PPFIBP1: variants seen among roughly 807,000 people sequenced by gnomAD.
PPFIBP1 encodes the protein PPFIB scaffold protein 1.
Under a neutral mutation model 137.8 loss-of-function variants are expected in PPFIBP1, and 112 were observed. The observed-to-expected ratio is 0.81, with a 90% CI of 0.70 to 0.95. The LOEUF is 0.95. Ranked by LOEUF, PPFIBP1 falls within the 40% of genes least tolerant of loss-of-function variation. The probability of loss-of-function intolerance (pLI) is 0.00; values close to 1 mark genes in which losing one functional copy is unlikely to be tolerated. For synonymous variants in PPFIBP1, 378 were observed against 417.3 expected, an observed-to-expected ratio of 0.91 and a Z score of 1.15; for missense variants, 1,083 against 1,196.6, an observed-to-expected ratio of 0.91 and a Z score of 1.40.
intron 2 of PPFIBP1, among the ~76,000 whole-genome samples, chr12:27,615,049 CTA>C (rs2055592528): frequency 6.6e-6 from 1 of 152,182 alleles, no homozygotes; most frequent in Non-Finnish European, 1.5e-5. Context: ...CCACAGAAAA[CTA>C]TAGTTCCTGC....
chr12:27,580,023 A>T (rs2050940062), intron 2 of PPFIBP1, among the ~76,000 whole-genome samples: 1 of 152,134 alleles, frequency 6.6e-6, no homozygotes, highest in Admixed American at 6.5e-5. Context: ...TCCAGAAAAG[A>T]GATGTGTCTG....
chr12:27,554,887 G>A (rs560818169), intron 1 of PPFIBP1, among the ~76,000 whole-genome samples: 2 of 152,042 alleles, frequency 1.3e-5, no homozygotes, highest in Non-Finnish European at 2.9e-5. Flanking sequence ...CCCCTTCGGA[G>A]TGGTTTGAAG....
chr12:27,659,230 C>T (rs1439164632), intron 10 of PPFIBP1, among the ~76,000 whole-genome samples: 2 of 152,142 alleles, frequency 1.3e-5, no homozygotes, highest in African/African-American at 4.8e-5. Flanking sequence ...TTTGCTTTTG[C>T]TTTTCAATGT....
chr12:27,538,230 A>C (rs67079938), intron 1 of PPFIBP1: 25,275 of 152,204 alleles, frequency 0.17, 2,362 homozygotes, highest in Middle Eastern at 0.26. Context: ...ACTTAAAAGC[A>C]GTTCATCAGG....
intron 1 of PPFIBP1, among the ~76,000 whole-genome samples, chr12:27,539,558 G>GA (rs1945429638): frequency 6.6e-6 from 1 of 152,134 alleles, no homozygotes; most frequent in South Asian, 2.1e-4. Flanking sequence ...GAAGCCCTAT[G>GA]TTTTTCTAGC....
At chr12:27,668,727 T>C (rs2060009403) in intron 13 of PPFIBP1, among the ~76,000 whole-genome samples, 1 of 152,256 alleles carries the variant, frequency 6.6e-6, no homozygotes, top group African/African-American at 2.4e-5. Context: ...TATCTCTAGC[T>C]AAGTTTCCCT....
intron 5 of PPFIBP1, among the ~76,000 whole-genome samples, chr12:27,647,139 T>C (rs906828477): frequency 3.3e-5 from 5 of 152,164 alleles, no homozygotes; most frequent in South Asian, 4.1e-4. Flanking sequence ...GTAACTGGGA[T>C]TACAGGCACA....
Position 27,541,236 on chromosome 12 carries a change from C to T in PPFIBP1, c.-124+16871C>T, listed in dbSNP as rs562508770. 1.1e-4 allele frequency among the ~76,000 whole-genome samples: 16 copies of T among 151,330 alleles called. No individual in the cohort carries two copies. The East Asian group carries it at 2.5e-3, about 24-fold the overall frequency. On this transcript the variant is annotated intron_variant, in intron 1 of 29. Coordinates refer to ENST00000228425, the MANE Select transcript of PPFIBP1 (RefSeq NM_003622.4). ...CCACTATGTATCATGGGAAAACTTG[C>T]ACGTGTGTGTGTGTGTGAGAGAGAG...
chr12:27,627,715 A>G (rs962103655), intron 2 of PPFIBP1, among the ~76,000 whole-genome samples: 9 of 152,076 alleles, frequency 5.9e-5, no homozygotes, highest in African/African-American at 2.2e-4. Flanking sequence ...CACCACATCC[A>G]TGCCCGGAAC....
At chr12:27,688,992 C>CTTTTTTTTTTTTT in intron 26 of PPFIBP1, 23 bp from the exon 27 acceptor site, 1 of 1,353,186 alleles carries the variant, frequency 7.4e-7, no homozygotes. Flanking sequence ...TTTTGACAAG[C>CTTTTTTTTTTTTT]TTTTTTTTTT....
At chr12:27,664,331 G>C (rs893239489) in intron 11 of PPFIBP1, 31 bp from the exon 12 acceptor site, 28 of 1,393,526 alleles carry the variant, frequency 2.0e-5, no homozygotes, top group Non-Finnish European at 2.5e-5. Context: ...AAGAACATAG[G>C]ATTAAAGATT....
chr12:27,595,814 A>T (rs2053154973), intron 2 of PPFIBP1, among the ~76,000 whole-genome samples: 1 of 150,834 alleles, frequency 6.6e-6, no homozygotes, highest in Admixed American at 6.6e-5. Context: ...AGATAGCGCC[A>T]TTGCACTCCA....
At chr12:27,587,844 T>C (rs571726173) in intron 2 of PPFIBP1, among the ~76,000 whole-genome samples, 1 of 152,254 alleles carries the variant, frequency 6.6e-6, no homozygotes, top group Non-Finnish European at 1.5e-5. Flanking sequence ...AAGAACCTAG[T>C]CCACATTCAA....
chr12:27,585,367 C>A (rs116144734), intron 2 of PPFIBP1, among the ~76,000 whole-genome samples: 2 of 152,288 alleles, frequency 1.3e-5, no homozygotes, highest in African/African-American at 4.8e-5. Context: ...ATCTACGCTG[C>A]GCTGTGTCTC....
In PPFIBP1 at chr12:27,673,788, C is replaced by T. The variant is rs752606392; in HGVS notation, c.1341C>T (p.Ser447=). Residue 447 remains serine, a synonymous_variant, in exon 16 of 30, where the codon TCC becomes TCT. Transcript: ENST00000228425. ...DKLLTSSLQK[S]SSLGNLKKET... is the part of the protein sequence containing the mutation. ...TTAGAACTTCAAGTCTGCAGAAGTC[C>T]AGCAGCCTGGGCAATCTGAAGAAAG... The T allele has an allele frequency of 3.1e-6, 5 of 1,613,390 alleles. No homozygotes were observed. The South Asian group carries it at 5.5e-5, about 18-fold the overall frequency.
intron 2 of PPFIBP1, among the ~76,000 whole-genome samples, chr12:27,615,575 T>C (rs1258642670): frequency 2.6e-5 from 4 of 152,240 alleles, no homozygotes; most frequent in Non-Finnish European, 5.9e-5. Flanking sequence ...AAGGTAATGA[T>C]TCATCTAGTT....
chr12:27,589,098 C>T lies in PPFIBP1; in HGVS notation c.-36+10859C>T, dbSNP rs116132671. Among the ~76,000 whole-genome samples, 468 of 152,278 alleles carry T rather than the reference C, an allele frequency of 3.1e-3. 2 individuals are homozygous for T. The highest frequency in any genetic ancestry group is 0.01 in the African/African-American group (421 of 41,552). On this transcript the variant is annotated intron_variant, in intron 2 of 29. Transcript: ENST00000228425. ...CAGGTAATGCAATATAAAACCCACCCGTCCATCTTGAAATTGGAGGTTGTC... is the reference window on the plus strand; with the variant it reads ...CAGGTAATGCAATATAAAACCCACCTGTCCATCTTGAAATTGGAGGTTGTC...
At chr12:27,588,431 C>A (rs1318323323) in intron 2 of PPFIBP1, among the ~76,000 whole-genome samples, 1 of 152,174 alleles carries the variant, frequency 6.6e-6, no homozygotes, top group East Asian at 1.9e-4. Flanking sequence ...AAAAATTCTC[C>A]TTTCCATCCC....
At chr12:27,615,942 A>T (rs2055700064) in intron 2 of PPFIBP1, among the ~76,000 whole-genome samples, 1 of 152,198 alleles carries the variant, frequency 6.6e-6, no homozygotes, top group African/African-American at 2.4e-5. Flanking sequence ...AGTTTGCATG[A>T]AAGTGGCAAT....
Sources: gnomAD v4.1 joint callset for allele counts (sites outside exome capture counted in the v4.1 genomes callset) on GRCh38, gnomAD v4.1.1 for gene constraint, MANE v1.5 for transcripts, NCBI Gene and HGNC (gene_info 2026-07-23, HGNC 2026-07-21) for gene names.